NARF: variants seen among roughly 807,000 people sequenced by gnomAD.
The protein encoded by NARF is nuclear prelamin A recognition factor.
A neutral mutation model predicts 48.0 loss-of-function variants in NARF; 41 were observed. That is an observed-to-expected ratio of 0.85 (90% CI 0.66 to 1.11). NARF has a LOEUF of 1.11. NARF is among the 50% of genes least tolerant of loss of function. The probability of loss-of-function intolerance (pLI) is 0.00; values close to 1 mark genes in which losing one functional copy is unlikely to be tolerated. For missense variants in NARF, 613 were observed against 590.2 expected (o/e 1.04, Z -0.40); for synonymous variants, 215 against 225.5 (o/e 0.95, Z 0.42).
intron 3 of NARF, among the ~76,000 whole-genome samples, chr17:82,466,827 T>A (rs998585212): frequency 2.0e-5 from 3 of 152,110 alleles, no homozygotes; most frequent in Admixed American, 2.0e-4. Flanking sequence ...ACCTGAAATA[T>A]TATCCTACCT....
At chr17:82,485,996 C>T (rs930910818) in intron 10 of NARF, among the ~76,000 whole-genome samples, 3 of 152,180 alleles carry the variant, frequency 2.0e-5, no homozygotes, top group African/African-American at 7.2e-5. Flanking sequence ...ACCCCTGCCC[C>T]GTGCCAGGCA....
rs1555626486 is a variant in NARF, at chr17:82,464,407, T to C, written c.229T>C (p.Phe77Leu). The change falls in exon 3 of 11, where the codon TTC becomes CTC. Residue 77 changes from phenylalanine (F) to leucine (L), a missense_variant. Phe to Leu is a conservative substitution (Grantham distance 22). Coordinates refer to ENST00000309794, the MANE Select transcript of NARF (RefSeq NM_012336.4). ...QLSQQNAKDFFRVLNLNKKCD... is the reference protein window; with the variant it reads ...QLSQQNAKDFLRVLNLNKKCD... ...TTCCCAGCAAAATGCCAAGGACTTC[T>C]TCCGCGTTCTGAACCTTAACAAGGT... 2 of 1,613,894 alleles carry C rather than the reference T, an allele frequency of 1.2e-6. No homozygotes were observed. Among genetic ancestry groups the C allele is most frequent in the Non-Finnish European group, 1.7e-6 (2 of 1,179,828 alleles).
intron 4 of NARF, among the ~76,000 whole-genome samples, chr17:82,470,630 G>A (rs2143868856): frequency 2.0e-5 from 3 of 152,082 alleles, no homozygotes; most frequent in African/African-American, 7.2e-5. Context: ...GAGTGGCTGG[G>A]ACTACAGGCG....
At chr17:82,482,202 A>G in intron 7 of NARF, 1 of 408,410 alleles carries the variant, frequency 2.4e-6, no homozygotes, top group Non-Finnish European at 4.8e-6. Flanking sequence ...GTCAGCTCTC[A>G]GGGACAATCT....
At chr17:82,483,572 C>T in intron 7 of NARF, 144 bp from the exon 8 acceptor site, 1 of 689,124 alleles carries the variant, frequency 1.5e-6, no homozygotes, top group South Asian at 1.8e-5. Flanking sequence ...TCACTTTGCC[C>T]TTTAGATGGA....
chr17:82,481,238 G>C, intron 7 of NARF, 27 bp downstream of exon 7: 1 of 1,612,174 alleles, frequency 6.2e-7, no homozygotes, highest in Non-Finnish European at 8.5e-7. Flanking sequence ...GGTGCACCTG[G>C]GCGCTGGGGT....
chr17:82,478,208 T>G (rs2043877767), intron 5 of NARF, among the ~76,000 whole-genome samples: 1 of 152,220 alleles, frequency 6.6e-6, no homozygotes, highest in African/African-American at 2.4e-5. Context: ...TGGTGACTTG[T>G]GTTCACCCTG....
chr17:82,489,206 C>T lies in NARF; in HGVS notation c.*1049C>T. Reference sequence around the variant, plus strand: ...GGACCATACTCGGCCCTGGGCCATTCCTCACAGCCAGTCACCACCCTCCTC... The same window carrying T: ...GGACCATACTCGGCCCTGGGCCATTTCTCACAGCCAGTCACCACCCTCCTC... On this transcript the variant is annotated 3_prime_UTR_variant, in exon 11 of 11. Coordinates refer to ENST00000309794, the MANE Select transcript of NARF (RefSeq NM_012336.4). The T allele has an allele frequency of 5.9e-6, 1 of 170,004 alleles. No homozygotes were observed. The highest frequency in any genetic ancestry group is 1.3e-5 in the Non-Finnish European group (1 of 79,000). The allele number at this position is 170,004 out of a possible 1,614,324, so 10.5% of individuals were successfully genotyped here. A position where few individuals can be genotyped will look rare whatever the true frequency, so the allele number is the denominator to read the frequency against.
chr17:82,488,838 C>CT lies in NARF; in HGVS notation c.*682dup, dbSNP rs1221058871. 1 of 152,550 alleles carries CT rather than the reference C, an allele frequency of 6.6e-6. No individual in the cohort carries two copies. 9.4% of individuals were successfully genotyped at this position (152,550 alleles called of 1,614,324 possible). A position where few individuals can be genotyped will look rare whatever the true frequency, so the allele number is the denominator to read the frequency against. On this transcript the variant is annotated 3_prime_UTR_variant, in exon 11 of 11. Transcript: ENST00000309794. Reference sequence around the variant, plus strand: ...TGAAGAGCTAGGACCCCCAGAGGTTCTAATGCACATGACTTGAAGGTGATT... The same window carrying CT: ...TGAAGAGCTAGGACCCCCAGAGGTTCTTAATGCACATGACTTGAAGGTGATT...
In NARF at chr17:82,468,855, C is replaced by G; in HGVS notation, c.344C>G (p.Thr115Ser). The G allele has an allele frequency of 6.2e-7, 1 of 1,614,160 alleles. No individual in the cohort carries two copies. The highest frequency in any genetic ancestry group is 8.5e-7 in the Non-Finnish European group (1 of 1,180,006). ...GCTGCTAAATTCAACCTCAGTGTAACTGATGCATCCAGAAGACTCTGTGGT... is the reference window on the plus strand; with the variant it reads ...GCTGCTAAATTCAACCTCAGTGTAAGTGATGCATCCAGAAGACTCTGTGGT... ...YFAAKFNLSVTDASRRLCGFL... is the reference protein window; with the variant it reads ...YFAAKFNLSVSDASRRLCGFL... The change falls in exon 4 of 11, where the codon ACT becomes AGT. Residue 115 changes from threonine to serine, a missense_variant. Thr to Ser is a moderately conservative substitution (Grantham distance 58). Coordinates refer to ENST00000309794, the MANE Select transcript of NARF (RefSeq NM_012336.4).
Position 82,460,006 on chromosome 17 carries a change from A to G in NARF, c.42A>G (p.Lys14=). The part of the protein sequence containing the change: ...EHCTRKECSK[K]TKTDDQENVS... Reference sequence around the variant, plus strand: ...GCTTTTTTAAGGAATGTAGTAAGAAAACAAAAACTGATGACCAAGAGAATG... The same window carrying G: ...GCTTTTTTAAGGAATGTAGTAAGAAGACAAAAACTGATGACCAAGAGAATG... Residue 14 remains lysine (K), a synonymous_variant, in exon 2 of 11, where the codon AAA becomes AAG. Coordinates refer to ENST00000309794, the MANE Select transcript of NARF (RefSeq NM_012336.4). 6.2e-7 allele frequency: 1 copy of G among 1,613,702 alleles called. No individual in the cohort carries two copies. Among genetic ancestry groups the G allele is most frequent in the Non-Finnish European group, 8.5e-7 (1 of 1,179,770 alleles).
chr17:82,468,976 A>G, intron 4 of NARF, 80 bp downstream of exon 4: 2 of 1,530,588 alleles, frequency 1.3e-6, no homozygotes, highest in East Asian at 2.3e-5. Context: ...TTCGTTTTTC[A>G]AGGACGCAGG....
chr17:82,461,222 C>A (rs2043428411), intron 2 of NARF, among the ~76,000 whole-genome samples: 1 of 152,092 alleles, frequency 6.6e-6, no homozygotes, highest in Non-Finnish European at 1.5e-5. Flanking sequence ...CTGCACCTGG[C>A]CTCTCTTCTA....
Position 82,488,262 on chromosome 17 carries a change from G to C in NARF, c.*105G>C. 2.0e-6 allele frequency: 3 copies of C among 1,474,716 alleles called. No homozygotes were observed. The highest frequency in any genetic ancestry group is 2.7e-6 in the Non-Finnish European group (3 of 1,111,170). 91.4% of individuals were successfully genotyped at this position (1,474,716 alleles called of 1,614,324 possible). On this transcript the variant is annotated 3_prime_UTR_variant, in exon 11 of 11. Transcript: ENST00000309794. ...AGTATTAAAGACACTTAAGAAAACC[G>C]CTCAATGGATTACTTTGGTTTCTCC...
chr17:82,464,132 G>C lies in NARF; in HGVS notation c.109-155G>C, dbSNP rs563853732. The C allele has an allele frequency of 4.6e-5, 43 of 938,498 alleles. No individual in the cohort carries two copies. The East Asian group carries it at 1.0e-3, about 22-fold the overall frequency. The allele number at this position is 938,498 out of a possible 1,614,324, so 58.1% of individuals were successfully genotyped here. On this transcript the variant is annotated intron_variant, in intron 2 of 10. Coordinates refer to ENST00000309794, the MANE Select transcript of NARF (RefSeq NM_012336.4). ...CCACCTTGAGCTGCTCAGTGGCAGA[G>C]ACTGTCCTGCTTCCAGCCCCTTGAG...
rs755645121 is a variant in NARF, at chr17:82,460,141, T to C, written c.108+69T>C. Reference sequence around the variant, plus strand: ...TGCTGCTGTTTTTCTCTTTGGGGGCTCACAGCACCGTGCACATCACTGCTT... The same window carrying C: ...TGCTGCTGTTTTTCTCTTTGGGGGCCCACAGCACCGTGCACATCACTGCTT... On this transcript the variant is annotated intron_variant, in intron 2 of 10. Coordinates refer to ENST00000309794, the MANE Select transcript of NARF (RefSeq NM_012336.4). 16 of 1,348,992 alleles carry C rather than the reference T, an allele frequency of 1.2e-5. No homozygotes were observed. In the South Asian group the frequency reaches 1.5e-4, roughly 13 times the overall value. The allele number at this position is 1,348,992 out of a possible 1,614,324, so 83.6% of individuals were successfully genotyped here. A position where few individuals can be genotyped will look rare whatever the true frequency, so the allele number is the denominator to read the frequency against.
chr17:82,477,662 G>T (rs771121033), intron 5 of NARF: 1 of 152,210 alleles, frequency 6.6e-6, no homozygotes, highest in South Asian at 2.1e-4. Flanking sequence ...CTACAGGTGT[G>T]CACCACCACG....
intron 5 of NARF, among the ~76,000 whole-genome samples, chr17:82,476,042 C>T (rs767953767): frequency 1.3e-5 from 2 of 152,186 alleles, no homozygotes; most frequent in Non-Finnish European, 2.9e-5. Flanking sequence ...GAGTCTCGCT[C>T]TGTCACCCAG....
chr17:82,485,930 G>A lies in NARF; in HGVS notation c.1129+276G>A, dbSNP rs1216318667. Among the ~76,000 whole-genome samples, 3 of 152,366 alleles carry A rather than the reference G, an allele frequency of 2.0e-5. No homozygotes were observed. In the East Asian group the frequency reaches 5.8e-4, roughly 29 times the overall value. The stretch of plus-strand genomic sequence containing the variant: ...GGCACCAGGTGAGAGTCAGCCCGTG[G>A]CGGCTGGCTTAGAGAACAAATCACA... On this transcript the variant is annotated intron_variant, in intron 10 of 10. Coordinates refer to ENST00000309794, the MANE Select transcript of NARF (RefSeq NM_012336.4).
Sources: allele counts gnomAD v4.1 joint callset (sites outside exome capture counted in the v4.1 genomes callset), GRCh38; gene constraint gnomAD v4.1.1; transcripts MANE v1.5; gene names NCBI Gene and HGNC (gene_info 2026-07-23, HGNC 2026-07-21).